SLC4A4: variants seen among roughly 807,000 people sequenced by gnomAD.
SLC4A4 encodes electrogenic sodium bicarbonate cotransporter 1.
A neutral mutation model predicts 111.5 loss-of-function variants in SLC4A4; 27 were observed. That is an observed-to-expected ratio of 0.24 (90% CI 0.18 to 0.33). The LOEUF (loss-of-function observed/expected upper bound fraction) is 0.33. SLC4A4 is among the 10% of genes least tolerant of loss of function. The probability of loss-of-function intolerance (pLI) is 1.00; values close to 1 mark genes in which losing one functional copy is unlikely to be tolerated. For missense variants in SLC4A4, 909 were observed against 1,315.5 expected, an observed-to-expected ratio of 0.69 and a Z score of 4.78; for synonymous variants, 443 against 463.4, an observed-to-expected ratio of 0.96 and a Z score of 0.57.
chr4:71,269,157 C>A (rs1722515911), intron 3 of SLC4A4, among the ~76,000 whole-genome samples: 1 of 152,158 alleles, frequency 6.6e-6, no homozygotes, highest in East Asian at 1.9e-4. Flanking sequence ...AAATGAGGAG[C>A]CTTTGATAGG....
chr4:71,394,187 A>G (rs572636945), intron 6 of SLC4A4, among the ~76,000 whole-genome samples: 2 of 152,302 alleles, frequency 1.3e-5, no homozygotes, highest in South Asian at 2.1e-4. Context: ...GAGCTTTTGC[A>G]TAGCAAAAGA....
intron 2 of SLC4A4, among the ~76,000 whole-genome samples, chr4:71,103,833 T>C (rs1742833921): frequency 6.7e-6 from 1 of 148,670 alleles, no homozygotes; most frequent in Non-Finnish European, 1.5e-5. Flanking sequence ...AGATCCAAAA[T>C]TGACACCCTA....
chr4:71,433,300 A>G (rs1723814522), intron 7 of SLC4A4, among the ~76,000 whole-genome samples: 1 of 151,520 alleles, frequency 6.6e-6, no homozygotes, highest in Non-Finnish European at 1.5e-5. Flanking sequence ...GTTAGTATTG[A>G]TAAACTCTGT....
intron 16 of SLC4A4, among the ~76,000 whole-genome samples, chr4:71,498,743 A>G (rs138801300): frequency 6.6e-6 from 1 of 152,300 alleles, no homozygotes; most frequent in Non-Finnish European, 1.5e-5. Flanking sequence ...AGAAAGAAGC[A>G]TTCAACTTAG....
intron 1 of SLC4A4, among the ~76,000 whole-genome samples, chr4:71,081,060 T>A (rs1741982363): frequency 6.6e-6 from 1 of 152,064 alleles, no homozygotes; most frequent in Non-Finnish European, 1.5e-5. Flanking sequence ...TAATTCAAAC[T>A]TGTGTTTTAT....
chr4:71,066,906 G>A (rs908955722), intron 1 of SLC4A4, among the ~76,000 whole-genome samples: 1 of 152,130 alleles, frequency 6.6e-6, no homozygotes, highest in Non-Finnish European at 1.5e-5. Context: ...GGAGCTTAGT[G>A]GGTTTGCCCT....
Position 71,568,776 on chromosome 4 carries a change from A to G in SLC4A4, c.*1025A>G, listed in dbSNP as rs760205985. ...GTGATTTTTACACATACATACACAC[A>G]CAAATACACAATCTCTAGGGTAAGC... is the stretch of plus-strand genomic sequence containing the variant. On this transcript the variant is annotated 3_prime_UTR_variant, in exon 26 of 26. Transcript: ENST00000264485. 6.6e-6 allele frequency: 1 copy of G among 152,180 alleles called. No individual in the cohort carries two copies. Among genetic ancestry groups the G allele is most frequent in the South Asian group, 2.1e-4 (1 of 4,824 alleles). 9.4% of individuals were successfully genotyped at this position (152,180 alleles called of 1,614,324 possible). A position where few individuals can be genotyped will look rare whatever the true frequency, so the allele number is the denominator to read the frequency against.
At position 71,313,390 on chromosome 4, in the gene SLC4A4, C is replaced by T. The variant is rs187277241; in HGVS notation, c.254-25980C>T. Among the ~76,000 whole-genome samples, 44 of 152,290 alleles carry T rather than the reference C, an allele frequency of 2.9e-4. No homozygotes were observed. In the East Asian group the frequency reaches 4.1e-3, roughly 14 times the overall value. On this transcript the variant is annotated intron_variant, in intron 3 of 25. Coordinates refer to ENST00000264485, the MANE Select transcript of SLC4A4 (RefSeq NM_001098484.3). Reference sequence around the variant, plus strand: ...TAGATTCAGTGCTATCCACATCAAGCCACCACTGACTTTCTTCACAGAATT... The same window carrying T: ...TAGATTCAGTGCTATCCACATCAAGTCACCACTGACTTTCTTCACAGAATT...
chr4:71,557,869 T>G lies in SLC4A4; in HGVS notation c.2921T>G (p.Ile974Ser), dbSNP rs1307153292. The G allele has an allele frequency of 6.2e-7, 1 of 1,612,284 alleles. No individual in the cohort carries two copies. Among genetic ancestry groups the G allele is most frequent in the Non-Finnish European group, 8.5e-7 (1 of 1,178,886 alleles). The change falls in exon 22 of 26, where the codon ATC (isoleucine) becomes AGC (serine). Residue 974 changes from isoleucine (I) to serine (S), a missense_variant. Coordinates refer to ENST00000264485, the MANE Select transcript of SLC4A4 (RefSeq NM_001098484.3). ...LWILKSTVAA[I>S]IFPVMILALV... ...ATCCTCAAGTCAACGGTGGCTGCTA[T>G]CATTTTTCCAGTAATGGTAGGGATT... is the stretch of plus-strand genomic sequence containing the variant.
intron 1 of SLC4A4, among the ~76,000 whole-genome samples, chr4:71,193,199 G>A (rs574770117): frequency 1.4e-4 from 21 of 152,220 alleles, no homozygotes; most frequent in East Asian, 3.9e-4. Flanking sequence ...CCTGTCTGTC[G>A]CCCAGGCTGG....
intron 20 of SLC4A4, among the ~76,000 whole-genome samples, chr4:71,550,851 A>G (rs1735922409): frequency 6.6e-6 from 1 of 151,744 alleles, no homozygotes; most frequent in Non-Finnish European, 1.5e-5. Flanking sequence ...TTTTATTCTG[A>G]TCTCTTTGCT....
At chr4:71,347,323 G>C (rs972446164) in intron 4 of SLC4A4, among the ~76,000 whole-genome samples, 3 of 152,122 alleles carry the variant, frequency 2.0e-5, no homozygotes, top group Non-Finnish European at 4.4e-5. Context: ...GATTGTCTGA[G>C]CCTATTCAGG....
intron 2 of SLC4A4, among the ~76,000 whole-genome samples, chr4:71,178,436 C>T (rs1056054381): frequency 2.0e-5 from 3 of 151,780 alleles, no homozygotes; most frequent in Non-Finnish European, 1.5e-5. Context: ...TTGAAAAGAT[C>T]AACAAAATTG....
intron 2 of SLC4A4, among the ~76,000 whole-genome samples, chr4:71,153,446 T>G (rs185564697): frequency 6.6e-6 from 1 of 152,096 alleles, no homozygotes; most frequent in African/African-American, 2.4e-5. Context: ...TACTAGGGAG[T>G]GACGAAAAGA....
At chr4:71,419,556 G>A (rs1276393637) in intron 7 of SLC4A4, among the ~76,000 whole-genome samples, 2 of 152,216 alleles carry the variant, frequency 1.3e-5, no homozygotes, top group Admixed American at 1.3e-4. Context: ...GAAAAGTGCA[G>A]TATTTGAGTG....
chr4:71,416,550 C>A (rs929356091), intron 7 of SLC4A4, among the ~76,000 whole-genome samples: 1 of 152,114 alleles, frequency 6.6e-6, no homozygotes, highest in African/African-American at 2.4e-5. Context: ...GGGGGAATTT[C>A]TAAATCTCAA....
At chr4:71,445,016 T>A (rs1725095339) in intron 8 of SLC4A4, among the ~76,000 whole-genome samples, 1 of 152,176 alleles carries the variant, frequency 6.6e-6, no homozygotes, top group Admixed American at 6.5e-5. Flanking sequence ...AAGAAATACC[T>A]TCTTTAAAAA....
At chr4:71,353,980 C>T (rs1466645151) in intron 5 of SLC4A4, among the ~76,000 whole-genome samples, 3 of 152,166 alleles carry the variant, frequency 2.0e-5, no homozygotes, top group East Asian at 1.9e-4. Context: ...TGATTCTTCT[C>T]AGGATTTCTA....
chr4:71,236,005 A>G, intron 1 of SLC4A4: 2 of 983,954 alleles, frequency 2.0e-6, no homozygotes, highest in Non-Finnish European at 1.2e-6. Flanking sequence ...TTGCCACTCA[A>G]CAGAGAATAC....
Sources: allele counts gnomAD v4.1 joint callset (sites outside exome capture counted in the v4.1 genomes callset), GRCh38; gene constraint gnomAD v4.1.1; transcripts MANE v1.5; gene names NCBI Gene and HGNC (gene_info 2026-07-23, HGNC 2026-07-21).